PTK2: variants seen among roughly 807,000 people sequenced by gnomAD.
PTK2 encodes protein tyrosine kinase 2.
In PTK2, 45 loss-of-function variants were observed where a neutral mutation model predicts 150.1. That is an observed-to-expected ratio of 0.30 (90% CI 0.24 to 0.38). PTK2 has a LOEUF of 0.38. Ranked by LOEUF, PTK2 falls within the 10% of genes least tolerant of loss-of-function variation. The pLI is 1.00. For missense variants in PTK2, 919 were observed against 1,307.3 expected (o/e 0.70, Z 4.58); for synonymous variants, 432 against 449.2 (o/e 0.96, Z 0.48).
chr8:140,972,519 C>T (rs1162942083), intron 1 of PTK2, among the ~76,000 whole-genome samples: 2 of 152,224 alleles, frequency 1.3e-5, no homozygotes, highest in African/African-American at 2.4e-5. Flanking sequence ...CCTCCCTCCG[C>T]CTCCCAAAGT....
At chr8:140,991,863 G>T (rs187705098) in intron 1 of PTK2, among the ~76,000 whole-genome samples, 1 of 152,284 alleles carries the variant, frequency 6.6e-6, no homozygotes, top group East Asian at 1.9e-4. Flanking sequence ...GCAAAAATCA[G>T]CTAGGCGTAG....
chr8:140,970,819 T>C (rs1287653644), intron 1 of PTK2, among the ~76,000 whole-genome samples: 2 of 152,066 alleles, frequency 1.3e-5, no homozygotes, highest in Non-Finnish European at 2.9e-5. Flanking sequence ...CTCCATCTTA[T>C]GTGGATAACT....
At chr8:140,910,955 G>A (rs557968335) in intron 2 of PTK2, among the ~76,000 whole-genome samples, 6 of 152,206 alleles carry the variant, frequency 3.9e-5, no homozygotes, top group South Asian at 2.1e-4. Flanking sequence ...ACGGCTCACC[G>A]CAGCCTCAAC....
intron 1 of PTK2, among the ~76,000 whole-genome samples, chr8:140,963,181 T>C (rs2100183998): frequency 6.6e-6 from 1 of 152,042 alleles, no homozygotes; most frequent in Non-Finnish European, 1.5e-5. Flanking sequence ...CCTATAACAA[T>C]GAACAGCTTA....
intron 1 of PTK2, among the ~76,000 whole-genome samples, chr8:141,000,680 C>T (rs1484554243): frequency 6.7e-6 from 1 of 150,136 alleles, no homozygotes; most frequent in Non-Finnish European, 1.5e-5. Context: ...CCGCCCCCCC[C>T]TTCCTCCTCA....
intron 2 of PTK2, among the ~76,000 whole-genome samples, chr8:140,920,106 A>G (rs752780282): frequency 2.0e-4 from 30 of 151,902 alleles, no homozygotes; most frequent in Admixed American, 2.6e-4. Flanking sequence ...AAATAATAAC[A>G]AAAAATATTT....
At chr8:140,951,076 T>C (rs541894887) in intron 1 of PTK2, among the ~76,000 whole-genome samples, 197 of 152,230 alleles carry the variant, frequency 1.3e-3, no homozygotes, top group African/African-American at 4.5e-3. Flanking sequence ...TATTCACAAA[T>C]ACGAGATTTT....
At chr8:141,000,126 C>CACACACACACA (rs1555522723) in intron 1 of PTK2, among the ~76,000 whole-genome samples, 21 of 142,612 alleles carry the variant, frequency 1.5e-4, no homozygotes, top group East Asian at 4.0e-4. Flanking sequence ...CACACACACA[C>CACACACACACA]CCCTTCTTCT....
At chr8:140,702,757 A>G (rs1362562979) in intron 24 of PTK2, 50 bp from the exon 28 acceptor site, 3 of 1,569,968 alleles carry the variant, frequency 1.9e-6, no homozygotes, top group Admixed American at 1.8e-5. Context: ...ACATCTGCAC[A>G]GTTCTGCTTC....
Position 140,816,224 on chromosome 8 carries a change from A to C in PTK2, c.867+2053T>G, listed in dbSNP as rs149010563. Among the ~76,000 whole-genome samples the C allele has an allele frequency of 5.5e-3, 843 of 152,328 alleles. 10 individuals are homozygous for C. Among genetic ancestry groups the C allele is most frequent in the African/African-American group, 0.019 (770 of 41,582 alleles). ...GTAAGTGGCAAGAAAAACCCCAAAA[A>C]GTCATTCAACATAAGGCCCAAAACT... On this transcript the variant is annotated intron_variant, in intron 10 of 31. Transcript: ENST00000522684.
intron 1 of PTK2, among the ~76,000 whole-genome samples, chr8:140,980,786 T>A (rs1295786019): frequency 7.0e-6 from 1 of 143,740 alleles, no homozygotes; most frequent in Non-Finnish European, 1.5e-5. Flanking sequence ...AGTCTCACAC[T>A]GTCGCCTGGG....
intron 8 of PTK2, among the ~76,000 whole-genome samples, chr8:140,825,189 C>A (rs2100111100): frequency 6.6e-6 from 1 of 152,162 alleles, no homozygotes; most frequent in Admixed American, 6.5e-5. Context: ...TCTTCTTACT[C>A]CTATCTACAG....
intron 23 of PTK2, among the ~76,000 whole-genome samples, chr8:140,714,175 A>G (rs997549265): frequency 2.0e-5 from 3 of 152,228 alleles, no homozygotes; most frequent in Non-Finnish European, 4.4e-5. Context: ...GGTGTGAGTC[A>G]CCACACCCGG....
chr8:140,726,572 T>C (rs1203732543), intron 22 of PTK2, among the ~76,000 whole-genome samples: 1 of 151,790 alleles, frequency 6.6e-6, no homozygotes, highest in Non-Finnish European at 1.5e-5. Context: ...TCATTAAACA[T>C]AACAGGGCAG....
At chr8:140,890,880 G>T in intron 2 of PTK2, 111 bp from the exon 3 acceptor site, 1 of 929,216 alleles carries the variant, frequency 1.1e-6, no homozygotes. Context: ...TATGTTATAT[G>T]CGGAAGGAGT....
At chr8:140,683,772 G>GA (rs55861612) in intron 27 of PTK2, among the ~76,000 whole-genome samples, 73,976 of 145,032 alleles carry the variant, frequency 0.51, 18,905 homozygotes, top group East Asian at 0.59. Context: ...CTCAATAGAT[G>GA]AAAAAAAAAA....
intron 15 of PTK2, among the ~76,000 whole-genome samples, chr8:140,761,493 A>G (rs193293003): frequency 1.8e-4 from 28 of 152,244 alleles, no homozygotes; most frequent in Admixed American, 1.1e-3. Flanking sequence ...CTAAAGGTAG[A>G]TATTTTTCAT....
At chr8:140,958,278 A>C (rs898950007) in intron 1 of PTK2, among the ~76,000 whole-genome samples, 13 of 152,036 alleles carry the variant, frequency 8.6e-5, no homozygotes, top group Non-Finnish European at 1.9e-4. Flanking sequence ...GCTGGGACTA[A>C]CAGGTCTGTG....
intron 1 of PTK2, among the ~76,000 whole-genome samples, chr8:140,983,324 T>C (rs1161690951): frequency 6.9e-6 from 1 of 144,992 alleles, no homozygotes; most frequent in Non-Finnish European, 1.5e-5. Flanking sequence ...GAGGTGAAGG[T>C]TGCAGTGAGC....
Sources: allele counts gnomAD v4.1 joint callset (sites outside exome capture counted in the v4.1 genomes callset), GRCh38; gene constraint gnomAD v4.1.1; transcripts MANE v1.5; gene names NCBI Gene and HGNC (gene_info 2026-07-23, HGNC 2026-07-21).